NAALADL2: variants seen among roughly 807,000 people sequenced by gnomAD.
The protein encoded by NAALADL2 is N-acetylated alpha-linked acidic dipeptidase like 2.
In NAALADL2, 76 loss-of-function variants were observed where a neutral mutation model predicts 87.2. The ratio of observed to expected loss-of-function variants is 0.87; its 90% CI spans 0.72 to 1.05. NAALADL2 has a LOEUF of 1.05. NAALADL2 is among the 50% of genes least tolerant of loss of function. The probability of loss-of-function intolerance (pLI) is 0.00; values close to 1 mark genes in which losing one functional copy is unlikely to be tolerated. For synonymous variants in NAALADL2, 354 were observed against 331.0 expected, an observed-to-expected ratio of 1.07 and a Z score of -0.75; for missense variants, 1,089 against 945.8, an observed-to-expected ratio of 1.15 and a Z score of -1.99.
intron 1 of NAALADL2, among the ~76,000 whole-genome samples, chr3:175,032,532 C>A (rs1054844457): frequency 2.0e-5 from 3 of 151,932 alleles, no homozygotes; most frequent in African/African-American, 7.2e-5. Context: ...AGAACTTGTA[C>A]CACAATAACA....
chr3:175,063,503 G>T (rs1291061465), intron 1 of NAALADL2, among the ~76,000 whole-genome samples: 1 of 151,754 alleles, frequency 6.6e-6, no homozygotes, highest in African/African-American at 2.4e-5. Context: ...TTGAGACAGG[G>T]TCTTGTTCTG....
chr3:175,193,460 A>G (rs918511022), intron 2 of NAALADL2, among the ~76,000 whole-genome samples: 3 of 151,904 alleles, frequency 2.0e-5, no homozygotes, highest in African/African-American at 7.2e-5. Flanking sequence ...AGGCCAAAAA[A>G]TGGTCTCTGT....
intron 5 of NAALADL2, among the ~76,000 whole-genome samples, chr3:175,351,861 T>A (rs1040253532): frequency 6.6e-6 from 1 of 152,060 alleles, no homozygotes; most frequent in Non-Finnish European, 1.5e-5. Flanking sequence ...GTGGCGAATG[T>A]GTTTATCTGA....
intron 2 of NAALADL2, among the ~76,000 whole-genome samples, chr3:174,564,327 A>G (rs768872619): frequency 1.3e-5 from 2 of 152,148 alleles, no homozygotes; most frequent in Non-Finnish European, 2.9e-5. Context: ...GTCACAGAGT[A>G]ATCAAGGCAT....
chr3:174,468,400 T>G (rs1716671279), intron 1 of NAALADL2, among the ~76,000 whole-genome samples: 1 of 150,242 alleles, frequency 6.7e-6, no homozygotes, highest in African/African-American at 2.4e-5. Context: ...TTTTTTTTTT[T>G]GAGACAGAGT....
intron 13 of NAALADL2, among the ~76,000 whole-genome samples, chr3:175,762,673 T>A (rs1748177331): frequency 6.6e-6 from 1 of 152,224 alleles, no homozygotes; most frequent in African/African-American, 2.4e-5. Flanking sequence ...ATGTTTAATT[T>A]TCAATATATT....
intron 4 of NAALADL2, among the ~76,000 whole-genome samples, chr3:175,312,445 C>G (rs566917291): frequency 7.0e-6 from 1 of 142,658 alleles, no homozygotes; most frequent in African/African-American, 2.5e-5. Context: ...AAATCCAGTT[C>G]TTTTTTTTTT....
intron 2 of NAALADL2, among the ~76,000 whole-genome samples, chr3:174,659,000 T>G (rs1725247315): frequency 6.6e-6 from 1 of 152,230 alleles, no homozygotes; most frequent in East Asian, 1.9e-4. Context: ...GATGGTCTCC[T>G]TTTTCTGTTT....
chr3:174,999,339 T>C (rs1216343006), intron 1 of NAALADL2, among the ~76,000 whole-genome samples: 1 of 152,188 alleles, frequency 6.6e-6, no homozygotes, highest in Non-Finnish European at 1.5e-5. Flanking sequence ...AAAAGGTGAA[T>C]ATTTTTCAAT....
intron 2 of NAALADL2, among the ~76,000 whole-genome samples, chr3:174,708,194 C>T (rs1325097221): frequency 6.6e-5 from 10 of 152,122 alleles, no homozygotes; most frequent in Non-Finnish European, 1.5e-5. Context: ...ACATCTCTAC[C>T]TCCCCTTATC....
chr3:175,046,574 G>C (rs1754695190), intron 1 of NAALADL2, among the ~76,000 whole-genome samples: 1 of 152,156 alleles, frequency 6.6e-6, no homozygotes, highest in African/African-American at 2.4e-5. Flanking sequence ...AAGTTTCTCA[G>C]AGGATAATGA....
intron 3 of NAALADL2, among the ~76,000 whole-genome samples, chr3:174,746,751 A>C (rs1032633330): frequency 2.6e-5 from 4 of 152,206 alleles, no homozygotes; most frequent in African/African-American, 7.2e-5. Context: ...ATGGAACAAA[A>C]TAGAGATCTC....
At chr3:174,477,788 A>T (rs1390911357) in intron 1 of NAALADL2, among the ~76,000 whole-genome samples, 1 of 152,204 alleles carries the variant, frequency 6.6e-6, no homozygotes, top group Non-Finnish European at 1.5e-5. Context: ...AGTTAAGCAG[A>T]ATTAGCTTCT....
chr3:175,718,654 C>T, intron 11 of NAALADL2: 4 of 1,581,718 alleles, frequency 2.5e-6, no homozygotes, highest in Admixed American at 1.7e-5. Flanking sequence ...CTCCCGAGCC[C>T]GTGGTGGCTG....
intron 1 of NAALADL2, among the ~76,000 whole-genome samples, chr3:175,025,934 C>T (rs1752163866): frequency 1.3e-5 from 2 of 152,080 alleles, no homozygotes; most frequent in Admixed American, 6.5e-5. Flanking sequence ...CTCAGCCTCC[C>T]TAGTAGGTGG....
chr3:175,169,178 G>A (rs1381127), intron 2 of NAALADL2, among the ~76,000 whole-genome samples: 122,958 of 151,502 alleles, frequency 0.81, 50,447 homozygotes, highest in East Asian at 0.93. Context: ...TATTGGAGAC[G>A]TATGCTTTCT....
At chr3:174,505,976 C>T (rs965607797) in intron 1 of NAALADL2, among the ~76,000 whole-genome samples, 11 of 152,032 alleles carry the variant, frequency 7.2e-5, no homozygotes, top group African/African-American at 2.7e-4. Flanking sequence ...ACTTTCCAGA[C>T]CCTTGGGTGT....
intron 1 of NAALADL2, chr3:174,441,169 C>T (rs1244941517): frequency 6.6e-6 from 1 of 152,252 alleles, no homozygotes; most frequent in African/African-American, 2.4e-5. Context: ...CTGTGGGCCG[C>T]ACCCCTGCGC....
intron 2 of NAALADL2, among the ~76,000 whole-genome samples, chr3:174,624,354 T>C (rs1721343739): frequency 6.6e-6 from 1 of 152,260 alleles, no homozygotes; most frequent in South Asian, 2.1e-4. Context: ...CCGGGCGCGG[T>C]GGCTCACGCC....
Sources: allele counts gnomAD v4.1 joint callset (sites outside exome capture counted in the v4.1 genomes callset), GRCh38; gene constraint gnomAD v4.1.1; transcripts MANE v1.5; gene names NCBI Gene and HGNC (gene_info 2026-07-23, HGNC 2026-07-21).